Variants in AFDN observed in about 807,000 individuals in gnomAD.
AFDN encodes afadin, adherens junction formation factor.
Under a neutral mutation model 216.6 loss-of-function variants are expected in AFDN, and 68 were observed. That is an observed-to-expected ratio of 0.31 (90% CI 0.26 to 0.38). The LOEUF (loss-of-function observed/expected upper bound fraction) is 0.38. Ranked by LOEUF, AFDN falls within the 10% of genes least tolerant of loss-of-function variation. The probability of loss-of-function intolerance (pLI) is 1.00; values close to 1 mark genes in which losing one functional copy is unlikely to be tolerated. For missense variants in AFDN, 2,136 were observed against 2,342.0 expected, an observed-to-expected ratio of 0.91 and a Z score of 1.82; for synonymous variants, 868 against 853.7, an observed-to-expected ratio of 1.02 and a Z score of -0.29.
chr6:167,859,166 G>T (rs1783251424), intron 1 of AFDN, among the ~76,000 whole-genome samples: 1 of 146,308 alleles, frequency 6.8e-6, no homozygotes, highest in Non-Finnish European at 1.5e-5. Flanking sequence ...ATTTCAAATA[G>T]TGTTCTTGAA....
rs1389884082 is a variant in AFDN, at chr6:167,963,013, ATCACTCACT to A, written c.4968+449_4968+457del. 10 of 1,083,720 alleles carry A rather than the reference ATCACTCACT, an allele frequency of 9.2e-6. 1 individual carries two copies. In the East Asian group the frequency reaches 3.7e-4, roughly 40 times the overall value. 67.1% of individuals were successfully genotyped at this position (1,083,720 alleles called of 1,614,324 possible). A position where few individuals can be genotyped will look rare whatever the true frequency, so the allele number is the denominator to read the frequency against. ...CATTTCAAATAGATGGTTTACTCAAATCACTCACTTCTGGTTGATGGTAAAGAGAGCAGA... is the reference window on the plus strand; with the variant it reads ...CATTTCAAATAGATGGTTTACTCAAATCTGGTTGATGGTAAAGAGAGCAGA... On this transcript the variant is annotated intron_variant, in intron 31 of 33. Transcript: ENST00000683244.
intron 1 of AFDN, among the ~76,000 whole-genome samples, chr6:167,850,010 A>T (rs571096889): frequency 6.6e-6 from 1 of 152,124 alleles, no homozygotes; most frequent in East Asian, 1.9e-4. Flanking sequence ...TGACATTCCA[A>T]TCTGCTGTAG....
intron 8 of AFDN, among the ~76,000 whole-genome samples, chr6:167,891,958 A>ATTT (rs1272181813): frequency 6.6e-6 from 1 of 152,082 alleles, no homozygotes; most frequent in Admixed American, 6.6e-5. Flanking sequence ...TGTGAATTAC[A>ATTT]TTTTTTCTTC....
chr6:167,857,702 G>A (rs1783062856), intron 1 of AFDN, among the ~76,000 whole-genome samples: 1 of 152,026 alleles, frequency 6.6e-6, no homozygotes, highest in Non-Finnish European at 1.5e-5. Context: ...AATCCGAGCT[G>A]TATGAACCTG....
At chr6:167,923,075 C>T in intron 22 of AFDN, 116 bp downstream of exon 22, 1 of 624,668 alleles carries the variant, frequency 1.6e-6, no homozygotes, top group South Asian at 2.3e-5. Context: ...TTTAAAATCG[C>T]TGTTAAATAC....
chr6:167,855,617 G>T (rs1300946757), intron 1 of AFDN, among the ~76,000 whole-genome samples: 1 of 152,002 alleles, frequency 6.6e-6, no homozygotes, highest in Non-Finnish European at 1.5e-5. Context: ...GAACAGCCTG[G>T]TTTATTCTAG....
At chr6:167,866,868 G>A (rs949781061) in intron 2 of AFDN, among the ~76,000 whole-genome samples, 18 of 152,186 alleles carry the variant, frequency 1.2e-4, no homozygotes, top group Non-Finnish European at 7.3e-5. Flanking sequence ...TCAGTGCCCT[G>A]GGGTCACCTC....
intron 1 of AFDN, among the ~76,000 whole-genome samples, chr6:167,846,935 A>T (rs531896108): frequency 1.3e-5 from 2 of 151,966 alleles, no homozygotes; most frequent in East Asian, 3.9e-4. Context: ...CAGTTTAGTT[A>T]TTTGATTGAT....
At chr6:167,854,461 A>G (rs1782673890) in intron 1 of AFDN, among the ~76,000 whole-genome samples, 1 of 152,150 alleles carries the variant, frequency 6.6e-6, no homozygotes, top group East Asian at 1.9e-4. Context: ...TGTCAAACTT[A>G]TTAACATTTC....
intron 12 of AFDN, among the ~76,000 whole-genome samples, chr6:167,906,098 G>A (rs767536343): frequency 3.3e-5 from 5 of 152,008 alleles, no homozygotes; most frequent in African/African-American, 7.2e-5. Context: ...GCGAGACTCC[G>A]TCCCAAGAAA....
chr6:167,866,092 G>T (rs1240308780), intron 2 of AFDN, among the ~76,000 whole-genome samples: 1 of 152,150 alleles, frequency 6.6e-6, no homozygotes, highest in Non-Finnish European at 1.5e-5. Context: ...TTACAAAGAA[G>T]AATAAAATCT....
chr6:167,911,077 G>C (rs762378263), intron 13 of AFDN, 24 bp from the exon 14 acceptor site: 1 of 1,602,154 alleles, frequency 6.2e-7, no homozygotes, highest in African/African-American at 1.3e-5. Context: ...CTTATTTTAA[G>C]TGATGTCAGC....
Position 167,911,390 on chromosome 6 carries a change from G to T in AFDN, c.1938G>T (p.Leu646Phe). The change falls in exon 15 of 34, where the codon TTG becomes TTT. Residue 646 changes from leucine (L) to phenylalanine (F), a missense_variant. By Grantham distance (22) the Leu-to-Phe change is conservative. Coordinates refer to ENST00000683244, the MANE Select transcript of AFDN (RefSeq NM_001386888.1). The part of the protein sequence containing the change: ...YVLYMACRYV[L>F]SNQYRPDISP... ...TATATATGGCATGCCGGTATGTATT[G>T]TCCAACCAGTACAGACCTGACATCA... 2 of 1,614,020 alleles carry T rather than the reference G, an allele frequency of 1.2e-6. No homozygotes were observed. The highest frequency in any genetic ancestry group is 1.7e-6 in the Non-Finnish European group (2 of 1,180,000).
intron 30 of AFDN, chr6:167,954,584 C>G: frequency 1.7e-6 from 2 of 1,176,488 alleles, no homozygotes; most frequent in Non-Finnish European, 2.4e-6. Context: ...TCAGTAGATC[C>G]AGTTCTCCTT....
At chr6:167,863,787 G>C (rs1392825551) in intron 1 of AFDN, 1 of 518,654 alleles carries the variant, frequency 1.9e-6, no homozygotes, top group Non-Finnish European at 3.9e-6. Flanking sequence ...ATACCAATGT[G>C]CTTTTTCTCT....
At position 167,951,734 on chromosome 6, in the gene AFDN, G is replaced by A. The variant is rs201083573; in HGVS notation, c.4380G>A (p.Pro1460=). 1.1e-4 allele frequency: 181 copies of A among 1,614,098 alleles called. 1 individual carries two copies. In the South Asian group the frequency reaches 1.5e-3, roughly 13 times the overall value. Residue 1460 remains proline, a synonymous_variant, in exon 30 of 34, where the codon CCG becomes CCA. Coordinates refer to ENST00000683244, the MANE Select transcript of AFDN (RefSeq NM_001386888.1). The surrounding 1 kb of genome is among the most constrained non-coding windows in gnomAD (Gnocchi z 7.1). ...QMRTQSLNPA[P]FSPLTAQQMK... is the part of the protein sequence containing the mutation. ...GCACTCAGTCCTTAAACCCTGCTCC[G>A]TTTTCTCCCCTGACTGCACAGCAGA...
At chr6:167,868,173 A>C (rs1784399969) in intron 2 of AFDN, among the ~76,000 whole-genome samples, 1 of 152,110 alleles carries the variant, frequency 6.6e-6, no homozygotes. Context: ...TTTTATTGTA[A>C]TATATTATTA....
intron 30 of AFDN, chr6:167,954,586 G>C: frequency 8.9e-7 from 1 of 1,126,842 alleles, no homozygotes; most frequent in Non-Finnish European, 1.3e-6. Context: ...AGTAGATCCA[G>C]TTCTCCTTAG....
intron 23 of AFDN, among the ~76,000 whole-genome samples, chr6:167,933,393 G>A (rs1793572268): frequency 6.6e-6 from 1 of 152,186 alleles, no homozygotes; most frequent in Non-Finnish European, 1.5e-5. Flanking sequence ...CCTTCTCACT[G>A]TTTAGAGAGT....
Sources: gnomAD v4.1 joint callset for allele counts (sites outside exome capture counted in the v4.1 genomes callset) on GRCh38, gnomAD v4.1.1 for gene constraint, Gnocchi (gnomAD v3.1) non-coding constraint, MANE v1.5 for transcripts, NCBI Gene and HGNC (gene_info 2026-07-23, HGNC 2026-07-21) for gene names.